Variants in SLC24A2 observed in about 807,000 individuals in gnomAD.
SLC24A2 encodes the protein sodium/potassium/calcium exchanger 2.
A neutral mutation model predicts 62.0 loss-of-function variants in SLC24A2; 36 were observed. The observed-to-expected ratio is 0.58, with a 90% CI of 0.44 to 0.77. SLC24A2 has a LOEUF of 0.77. Ranked by LOEUF, SLC24A2 falls within the 30% of genes least tolerant of loss-of-function variation. The pLI, the probability that SLC24A2 is intolerant of heterozygous loss-of-function variation, is 0.00. For synonymous variants in SLC24A2, 358 were observed against 294.0 expected (o/e 1.22, Z -2.23); for missense variants, 846 against 817.9 (o/e 1.03, Z -0.42).
At chr9:20,245,028 TG>T in the SLC24A2 span, among the ~76,000 whole-genome samples, 53 of 152,290 alleles carry the variant, frequency 3.5e-4, no homozygotes, top group African/African-American at 1.2e-3. Flanking sequence ...CGTATTCCTG[TG>T]GAGGTTTTTT....
chr9:20,164,158 T>A, the SLC24A2 span, among the ~76,000 whole-genome samples: 3 of 152,104 alleles, frequency 2.0e-5, no homozygotes, highest in Non-Finnish European at 1.5e-5. Context: ...AAAGACCTTC[T>A]GCACAGCAAA....
In SLC24A2 at chr9:19,520,884, C is replaced by T; in HGVS notation, c.1736+10G>A. 1 of 1,613,210 alleles carries T rather than the reference C, an allele frequency of 6.2e-7. No homozygotes were observed. Among genetic ancestry groups the T allele is most frequent in the Non-Finnish European group, 8.5e-7 (1 of 1,179,368 alleles). ...CTGGTGCACACCTTTGTAGAACTAC[C>T]TCTACTCACCCTACAGTGATGTCAA... On this transcript the variant is annotated intron_variant, in intron 10 of 10. Coordinates refer to ENST00000341998, the MANE Select transcript of SLC24A2 (RefSeq NM_020344.4).
At chr9:19,543,388 T>A (rs137863130) in intron 8 of SLC24A2, among the ~76,000 whole-genome samples, 4,181 of 96,140 alleles carry the variant, frequency 0.043, 97 homozygotes, top group Non-Finnish European at 0.072. Context: ...CCTGGATTCA[T>A]TGATTTTTTT....
At chr9:19,642,671 CTTTTTT>C (rs71335440) in intron 2 of SLC24A2, among the ~76,000 whole-genome samples, 1 of 79,850 alleles carries the variant, frequency 1.3e-5, no homozygotes, top group East Asian at 3.8e-4. Flanking sequence ...AGAGCGTATT[CTTTTTT>C]TTTTTTTTTT....
intron 8 of SLC24A2, among the ~76,000 whole-genome samples, chr9:19,535,961 T>A (rs1833950867): frequency 6.7e-6 from 1 of 150,374 alleles, no homozygotes; most frequent in Non-Finnish European, 1.5e-5. Flanking sequence ...ATAGTGATTC[T>A]TCCTATCCAT....
At chr9:19,749,228 C>T (rs1367963481) in intron 2 of SLC24A2, among the ~76,000 whole-genome samples, 1 of 151,858 alleles carries the variant, frequency 6.6e-6, no homozygotes, top group South Asian at 2.1e-4. Context: ...GCATTCAATT[C>T]TTTTAAAATG....
At chr9:20,036,828 ATATATATGTG>A in the SLC24A2 span, among the ~76,000 whole-genome samples, 17 of 152,080 alleles carry the variant, frequency 1.1e-4, no homozygotes, top group Non-Finnish European at 1.9e-4. Flanking sequence ...ATGCACACAC[ATATATATGTG>A]TATATATATG....
chr9:20,305,711 G>A, the SLC24A2 span, among the ~76,000 whole-genome samples: 125 of 152,312 alleles, frequency 8.2e-4, no homozygotes, highest in African/African-American at 3.0e-3. Context: ...ATATAGATGA[G>A]GACATTGAGG....
the SLC24A2 span, among the ~76,000 whole-genome samples, chr9:20,266,841 G>C: frequency 1.2e-4 from 19 of 152,236 alleles, no homozygotes; most frequent in African/African-American, 4.3e-4. Flanking sequence ...ACTTTGGGAG[G>C]CTGAGGCAGG....
chr9:20,221,624 A>T, the SLC24A2 span, among the ~76,000 whole-genome samples: 323 of 152,122 alleles, frequency 2.1e-3, 10 homozygotes, highest in East Asian at 0.057. Flanking sequence ...GTGCATCCTC[A>T]AGTCTTGAAC....
the SLC24A2 span, among the ~76,000 whole-genome samples, chr9:20,043,339 T>C: frequency 6.6e-6 from 1 of 152,220 alleles, no homozygotes; most frequent in African/African-American, 2.4e-5. Flanking sequence ...ACAACACCCA[T>C]TCTGCAGCCC....
the SLC24A2 span, among the ~76,000 whole-genome samples, chr9:19,868,402 A>G: frequency 6.6e-6 from 1 of 152,166 alleles, no homozygotes; most frequent in African/African-American, 2.4e-5. Flanking sequence ...ATATGGTTTC[A>G]TATGGTTTAT....
chr9:19,963,757 T>C, the SLC24A2 span, among the ~76,000 whole-genome samples: 1 of 152,054 alleles, frequency 6.6e-6, no homozygotes, highest in East Asian at 1.9e-4. Context: ...AGGAACACTT[T>C]TACACTGTTG....
chr9:19,778,668 A>G (rs1015598222), intron 2 of SLC24A2, among the ~76,000 whole-genome samples: 13 of 152,190 alleles, frequency 8.5e-5, no homozygotes, highest in Non-Finnish European at 4.4e-5. Context: ...GAATGGCCCC[A>G]GTTGGTAGTA....
intron 2 of SLC24A2, among the ~76,000 whole-genome samples, chr9:19,676,812 T>C (rs1819574841): frequency 6.6e-6 from 1 of 152,242 alleles, no homozygotes; most frequent in Non-Finnish European, 1.5e-5. Flanking sequence ...TATTTAATAG[T>C]TAATTTCTTA....
chr9:19,651,033 T>C (rs1325588384), intron 2 of SLC24A2, among the ~76,000 whole-genome samples: 1 of 152,132 alleles, frequency 6.6e-6, no homozygotes, highest in Non-Finnish European at 1.5e-5. Context: ...TGCCACCTTA[T>C]AAAATTTGAA....
chr9:19,756,902 G>GATTTTTT (rs1564082907), intron 2 of SLC24A2, among the ~76,000 whole-genome samples: 1 of 42,342 alleles, frequency 2.4e-5, no homozygotes, highest in Non-Finnish European at 5.6e-5. Flanking sequence ...TTTTACTGAA[G>GATTTTTT]CTTTTTTTTT....
chr9:19,902,041 C>T, the SLC24A2 span, among the ~76,000 whole-genome samples: 3 of 152,308 alleles, frequency 2.0e-5, no homozygotes, highest in East Asian at 5.8e-4. Context: ...GGGTAGGGTG[C>T]AGGACTTAAG....
At chr9:20,077,835 C>T in the SLC24A2 span, among the ~76,000 whole-genome samples, 2 of 151,974 alleles carry the variant, frequency 1.3e-5, no homozygotes, top group African/African-American at 4.8e-5. Flanking sequence ...TCAGATAACC[C>T]GCGATAGTGA....
Sources: allele counts gnomAD v4.1 joint callset (sites outside exome capture counted in the v4.1 genomes callset), GRCh38; gene constraint gnomAD v4.1.1; transcripts MANE v1.5; gene names NCBI Gene and HGNC (gene_info 2026-07-23, HGNC 2026-07-21).